The following CORO2B variants were observed in gnomAD, a reference collection of about 807,000 sequenced individuals.
CORO2B encodes the protein coronin-2B.
Under a neutral mutation model 58.8 loss-of-function variants are expected in CORO2B, and 26 were observed. That is an observed-to-expected ratio of 0.44 (90% CI 0.32 to 0.61). CORO2B has a LOEUF of 0.61. CORO2B is among the 20% of genes least tolerant of loss of function. The pLI, the probability that CORO2B is intolerant of heterozygous loss-of-function variation, is 0.04. For synonymous variants in CORO2B, 242 were observed against 253.8 expected (o/e 0.95, Z 0.44); for missense variants, 460 against 645.1 (o/e 0.71, Z 3.11).
intron 3 of CORO2B, among the ~76,000 whole-genome samples, chr15:68,705,258 C>T (rs112880324): frequency 0.032 from 4,790 of 151,892 alleles, 230 homozygotes; most frequent in African/African-American, 0.11. Flanking sequence ...GCCAACATGG[C>T]GAAACCTTAT....
At chr15:68,530,309 A>G in the CORO2B span, among the ~76,000 whole-genome samples, 681 of 152,290 alleles carry the variant, frequency 4.5e-3, 5 homozygotes, top group African/African-American at 0.015. Flanking sequence ...TGGGTGACAG[A>G]GTGAGACTCT....
chr15:68,712,617 A>G (rs1892946023), intron 5 of CORO2B, among the ~76,000 whole-genome samples: 2 of 152,124 alleles, frequency 1.3e-5, no homozygotes, highest in South Asian at 4.1e-4. Context: ...TACCACTACA[A>G]ATAAGAATAA....
intron 11 of CORO2B, among the ~76,000 whole-genome samples, chr15:68,721,271 A>T (rs1046382161): frequency 1.3e-5 from 2 of 152,178 alleles, no homozygotes; most frequent in African/African-American, 4.8e-5. Context: ...TAACTTGATA[A>T]TTGCCATAAA....
At chr15:68,656,804 G>A (rs752079257) in intron 2 of CORO2B, among the ~76,000 whole-genome samples, 9 of 152,176 alleles carry the variant, frequency 5.9e-5, no homozygotes, top group African/African-American at 1.2e-4. Flanking sequence ...AGTTTCCTTC[G>A]CTGTAGAATG....
At chr15:68,523,464 T>C in the CORO2B span, among the ~76,000 whole-genome samples, 5 of 152,188 alleles carry the variant, frequency 3.3e-5, no homozygotes, top group Non-Finnish European at 7.4e-5. Context: ...CCCAAAGTGC[T>C]GGGACTATAG....
the CORO2B span, among the ~76,000 whole-genome samples, chr15:68,541,821 G>A: frequency 2.6e-5 from 4 of 152,192 alleles, no homozygotes; most frequent in African/African-American, 9.7e-5. Flanking sequence ...AATGCCTGAG[G>A]GAGACCCTTG....
chr15:68,701,750 C>T (rs944532439), intron 3 of CORO2B, among the ~76,000 whole-genome samples: 1 of 152,060 alleles, frequency 6.6e-6, no homozygotes, highest in African/African-American at 2.4e-5. Context: ...TCCCGAAGTG[C>T]TGGGATTACA....
intron 1 of CORO2B, among the ~76,000 whole-genome samples, chr15:68,600,498 C>T (rs1360550583): frequency 1.3e-5 from 2 of 152,176 alleles, no homozygotes; most frequent in Non-Finnish European, 2.9e-5. Context: ...ACCTGGGTAC[C>T]TGTAGGACTT....
rs1405186865 is a variant in CORO2B, at chr15:68,586,066, T to G, written c.15+6789T>G. Among the ~76,000 whole-genome samples the G allele has an allele frequency of 2.0e-5, 3 of 152,184 alleles. No individual in the cohort carries two copies. In the East Asian group the frequency reaches 5.8e-4, roughly 29 times the overall value. ...CTGGCTAGGAATGCTGGCTTTGAAG[T>G]CAAACACATGGCAGTCTGTCATTTA... On this transcript the variant is annotated intron_variant, in intron 1 of 11. Coordinates refer to ENST00000261861, the MANE Select transcript of CORO2B (RefSeq NM_006091.5).
At chr15:68,693,693 A>C (rs1011320009) in intron 2 of CORO2B, among the ~76,000 whole-genome samples, 1 of 152,188 alleles carries the variant, frequency 6.6e-6, no homozygotes, top group Non-Finnish European at 1.5e-5. Flanking sequence ...CCTCCCAGGA[A>C]GTCATGGACT....
chr15:68,707,916 C>A (rs969668931), intron 3 of CORO2B, among the ~76,000 whole-genome samples: 1 of 151,990 alleles, frequency 6.6e-6, no homozygotes, highest in African/African-American at 2.4e-5. Context: ...TATTCTGGGC[C>A]CCCTATACAT....
chr15:68,640,667 GGGCATTACAT>G (rs1901186494), intron 1 of CORO2B, among the ~76,000 whole-genome samples: 1 of 152,138 alleles, frequency 6.6e-6, no homozygotes, highest in South Asian at 2.1e-4. Context: ...AACACGGGCT[GGGCATTACAT>G]GGTACTGAGG....
chr15:68,534,141 C>T, the CORO2B span, among the ~76,000 whole-genome samples: 1 of 152,220 alleles, frequency 6.6e-6, no homozygotes, highest in African/African-American at 2.4e-5. Context: ...CAAAACCACC[C>T]CACCTAGAAG....
chr15:68,633,776 G>A (rs937095), intron 1 of CORO2B, among the ~76,000 whole-genome samples: 59,943 of 151,894 alleles, frequency 0.39, 12,047 homozygotes, highest in South Asian at 0.58. Flanking sequence ...CAACGGAGCC[G>A]GCAGATCGTC....
At chr15:68,722,633 T>G (rs1017569077) in intron 11 of CORO2B, among the ~76,000 whole-genome samples, 7 of 152,248 alleles carry the variant, frequency 4.6e-5, no homozygotes, top group African/African-American at 1.7e-4. Flanking sequence ...TTTGAGAACT[T>G]GGAAGACGCA....
chr15:68,593,879 C>T (rs893007739), intron 1 of CORO2B, among the ~76,000 whole-genome samples: 2 of 151,204 alleles, frequency 1.3e-5, no homozygotes, highest in South Asian at 2.1e-4. Context: ...CTGAGAAGGG[C>T]GAGAGAAGAG....
At position 68,645,330 on chromosome 15, in the gene CORO2B, C is replaced by A; in HGVS notation, c.186C>A (p.Gly62=). ...FLAIVTESAG[G]GSFLVIPLEQ... ...CCATCGTCACCGAGAGCGCAGGGGG[C>A]GGCTCCTTCCTCGTCATCCCCCTGG... Residue 62 remains glycine, a synonymous_variant, in exon 2 of 12, where the codon GGC becomes GGA. Transcript: ENST00000261861. This position sits in a 1 kb window ranked among gnomAD's most constrained non-coding sequence, Gnocchi z 4.5. The A allele has an allele frequency of 6.2e-7, 1 of 1,612,518 alleles. No individual in the cohort carries two copies.
chr15:68,610,722 T>C (rs182394144), intron 1 of CORO2B, among the ~76,000 whole-genome samples: 65 of 151,358 alleles, frequency 4.3e-4, no homozygotes, highest in African/African-American at 1.6e-3. Context: ...AGTAGGGTAC[T>C]CTGAGGCCCA....
chr15:68,629,121 T>C (rs562014795), intron 1 of CORO2B, among the ~76,000 whole-genome samples: 4 of 152,242 alleles, frequency 2.6e-5, no homozygotes, highest in South Asian at 2.1e-4. Context: ...GAGTGCCGAA[T>C]GTATCTTGCA....
Sources: gnomAD v4.1 joint callset for allele counts (sites outside exome capture counted in the v4.1 genomes callset) on GRCh38, gnomAD v4.1.1 for gene constraint, Gnocchi (gnomAD v3.1) non-coding constraint, MANE v1.5 for transcripts, NCBI Gene and HGNC (gene_info 2026-07-23, HGNC 2026-07-21) for gene names.